The following TACR1 variants were observed in gnomAD, a reference collection of about 807,000 sequenced individuals.
TACR1 encodes substance-P receptor.
A neutral mutation model predicts 35.8 loss-of-function variants in TACR1; 25 were observed. That is an observed-to-expected ratio of 0.70 (90% CI 0.51 to 0.98). The LOEUF is 0.98. Ranked by LOEUF, TACR1 falls within the 50% of genes least tolerant of loss-of-function variation. The pLI is 0.00. For missense variants in TACR1, 478 were observed against 522.9 expected (o/e 0.91, Z 0.84); for synonymous variants, 195 against 206.7 (o/e 0.94, Z 0.48).
At chr2:75,146,918 T>C (rs182877241) in intron 1 of TACR1, among the ~76,000 whole-genome samples, 2 of 152,222 alleles carry the variant, frequency 1.3e-5, no homozygotes. Context: ...CCCCATCACT[T>C]CTTCTGTGGT....
chr2:75,142,443 T>C (rs9808455), intron 1 of TACR1, among the ~76,000 whole-genome samples: 72,403 of 152,012 alleles, frequency 0.48, 18,025 homozygotes, highest in Non-Finnish European at 0.54. Flanking sequence ...GTCTCTCTTA[T>C]AAGCTCTTCA....
At chr2:75,088,906 G>A (rs553709093) in intron 2 of TACR1, among the ~76,000 whole-genome samples, 81 of 152,058 alleles carry the variant, frequency 5.3e-4, no homozygotes, top group Non-Finnish European at 1.0e-3. Context: ...CTTTAGCTGC[G>A]TGTGGTTGTC....
chr2:75,164,194 G>C (rs1202625727), intron 1 of TACR1, among the ~76,000 whole-genome samples: 1 of 151,980 alleles, frequency 6.6e-6, no homozygotes, highest in East Asian at 1.9e-4. Context: ...AGGCGTGGTG[G>C]CGGGCACCTG....
intron 2 of TACR1, among the ~76,000 whole-genome samples, chr2:75,083,465 A>C (rs1282829796): frequency 6.6e-6 from 1 of 152,210 alleles, no homozygotes; most frequent in Non-Finnish European, 1.5e-5. Flanking sequence ...CTGTGAAGAA[A>C]GTCATTGGTA....
chr2:75,080,025 G>T (rs966250489), intron 2 of TACR1, among the ~76,000 whole-genome samples: 1 of 152,120 alleles, frequency 6.6e-6, no homozygotes, highest in East Asian at 1.9e-4. Flanking sequence ...ACAGATCATA[G>T]CACTAGAAGC....
intron 2 of TACR1, among the ~76,000 whole-genome samples, chr2:75,111,874 G>A (rs566748394): frequency 6.6e-6 from 1 of 151,850 alleles, no homozygotes; most frequent in South Asian, 2.1e-4. Flanking sequence ...GAGAGAGAGA[G>A]AGAAACCTTT....
At chr2:75,109,267 G>A (rs1326909338) in intron 2 of TACR1, among the ~76,000 whole-genome samples, 1 of 152,082 alleles carries the variant, frequency 6.6e-6, no homozygotes, top group East Asian at 1.9e-4. Flanking sequence ...GACATGAACC[G>A]TAATGACTAA....
At chr2:75,085,871 A>C (rs116372235) in intron 2 of TACR1, among the ~76,000 whole-genome samples, 2,301 of 152,190 alleles carry the variant, frequency 0.015, 14 homozygotes, top group Non-Finnish European at 0.025. Context: ...TCTTTCTCTG[A>C]TCCCCTCTGG....
chr2:75,084,350 C>T lies in TACR1; in HGVS notation c.585-30595G>A, dbSNP rs950267003. On this transcript the variant is annotated intron_variant, in intron 2 of 4. Transcript: ENST00000305249. ...TTGCCAGTATTTTATTGAGGATTTT[C>T]GCATCAATGTTCATCAGGGATATTG... 4.0e-3 allele frequency among the ~76,000 whole-genome samples: 606 copies of T among 152,170 alleles called. 1 individual carries two copies. Among genetic ancestry groups the T allele is most frequent in the African/African-American group, 6.3e-3 (262 of 41,518 alleles).
At chr2:75,191,879 G>T (rs958995925) in intron 1 of TACR1, among the ~76,000 whole-genome samples, 8 of 152,094 alleles carry the variant, frequency 5.3e-5, no homozygotes, top group Non-Finnish European at 1.2e-4. Context: ...ACTTGGATAG[G>T]TTCTGGGAAC....
At chr2:75,158,831 G>A (rs1371915222) in intron 1 of TACR1, among the ~76,000 whole-genome samples, 3 of 152,130 alleles carry the variant, frequency 2.0e-5, no homozygotes, top group Non-Finnish European at 2.9e-5. Context: ...CCTCTGTTCC[G>A]AACTCAAACG....
chr2:75,198,393 TC>T (rs1330843368), intron 1 of TACR1, among the ~76,000 whole-genome samples, 152 bp downstream of exon 1: 1 of 151,928 alleles, frequency 6.6e-6, no homozygotes, highest in East Asian at 1.9e-4. Context: ...AAGATGAAGT[TC>T]CCCATCAACA....
intron 2 of TACR1, among the ~76,000 whole-genome samples, chr2:75,098,590 G>A (rs1443238705): frequency 2.0e-5 from 3 of 152,162 alleles, no homozygotes; most frequent in Non-Finnish European, 4.4e-5. Flanking sequence ...AAGCCTTGAA[G>A]TGAGCGACTC....
intron 2 of TACR1, among the ~76,000 whole-genome samples, chr2:75,110,319 T>TCTAGAAGTAGATGTCTTAAAAATTTCA: frequency 6.6e-6 from 1 of 152,026 alleles, no homozygotes; most frequent in Non-Finnish European, 1.5e-5. Context: ...ATATTTTTAT[T>TCTAGAAGTAGATGTCTTAAAAATTTCA]CTAGAAGTAG....
intron 1 of TACR1, among the ~76,000 whole-genome samples, chr2:75,166,403 T>G (rs1001719405): frequency 1.3e-5 from 2 of 152,266 alleles, no homozygotes; most frequent in Admixed American, 1.3e-4. Flanking sequence ...CATATTTTAA[T>G]GTGTTTTAAT....
chr2:75,120,564 C>T lies in TACR1; in HGVS notation c.584+10G>A, dbSNP rs780655311. ...TCGTTTCTTTGGCATGGGGAGTCAT[C>T]TCTACTCACACTTTCTCATAAATCT... On this transcript the variant is annotated intron_variant, in intron 2 of 4. Transcript: ENST00000305249. 1 of 1,587,564 alleles carries T rather than the reference C, an allele frequency of 6.3e-7. No individual in the cohort carries two copies. Among genetic ancestry groups the T allele is most frequent in the African/African-American group, 1.3e-5 (1 of 74,330 alleles).
intron 2 of TACR1, 106 bp downstream of exon 2, chr2:75,120,468 A>T: frequency 1.8e-6 from 2 of 1,086,304 alleles, no homozygotes; most frequent in Non-Finnish European, 2.6e-6. Flanking sequence ...GATACACATT[A>T]AATCTGTACC....
intron 1 of TACR1, among the ~76,000 whole-genome samples, chr2:75,161,078 A>G (rs1246126478): frequency 6.6e-6 from 1 of 152,096 alleles, no homozygotes; most frequent in East Asian, 1.9e-4. Flanking sequence ...AAGGTAACAG[A>G]AAGAACTTCT....
chr2:75,131,734 T>C (rs1674182672), intron 1 of TACR1, among the ~76,000 whole-genome samples: 1 of 152,134 alleles, frequency 6.6e-6, no homozygotes, highest in Non-Finnish European at 1.5e-5. Flanking sequence ...TTTGGGTGTG[T>C]TTTTGTATGA....
Sources: allele counts gnomAD v4.1 joint callset (sites outside exome capture counted in the v4.1 genomes callset), GRCh38; gene constraint gnomAD v4.1.1; transcripts MANE v1.5; gene names NCBI Gene and HGNC (gene_info 2026-07-23, HGNC 2026-07-21).